Variants in ESRRG observed in about 807,000 individuals in gnomAD.
ESRRG encodes the protein estrogen-related receptor gamma.
In ESRRG, 13 loss-of-function variants were observed where a neutral mutation model predicts 44.0. That is an observed-to-expected ratio of 0.30 (90% CI 0.19 to 0.47). ESRRG has a LOEUF of 0.47. Ranked by LOEUF, ESRRG falls within the 20% of genes least tolerant of loss-of-function variation. The probability of loss-of-function intolerance (pLI) is 1.00; values close to 1 mark genes in which losing one functional copy is unlikely to be tolerated. For missense variants in ESRRG, 395 were observed against 580.6 expected, an observed-to-expected ratio of 0.68 and a Z score of 3.29; for synonymous variants, 215 against 214.6, an observed-to-expected ratio of 1.00 and a Z score of -0.02.
In ESRRG at chr1:217,126,200, CCTACCTACCTAG is replaced by C. The variant is rs578190749; in HGVS notation, c.-230+11455_-230+11466del. Among the ~76,000 whole-genome samples the C allele has an allele frequency of 3.6e-3, 544 of 152,162 alleles. 1 individual carries two copies. The highest frequency in any genetic ancestry group is 0.012 in the African/African-American group (491 of 41,498). On this transcript the variant is annotated intron_variant, in intron 1 of 8. Coordinates refer to the ESRRG transcript ENST00000366940. ...GTGGGATTCAAAATATGTTTCTTTA[CCTACCTACCTAG>C]CTACCTACCTAGCTACCTACCCACC...
chr1:216,861,781 G>A (rs1027924264), intron 2 of ESRRG, among the ~76,000 whole-genome samples: 2 of 151,918 alleles, frequency 1.3e-5, no homozygotes, highest in Non-Finnish European at 2.9e-5. Flanking sequence ...AGAATATATT[G>A]CAAATCATAA....
chr1:216,971,016 G>A (rs939570959), intron 1 of ESRRG, among the ~76,000 whole-genome samples: 1 of 152,170 alleles, frequency 6.6e-6, no homozygotes, highest in Admixed American at 6.5e-5. Context: ...CCCAGGGTGG[G>A]GGCAGAACCA....
chr1:216,872,880 C>A (rs1333577063), intron 2 of ESRRG, among the ~76,000 whole-genome samples: 3 of 152,084 alleles, frequency 2.0e-5, no homozygotes, highest in Non-Finnish European at 2.9e-5. Context: ...TAGATAGTAT[C>A]TGGGACATTT....
chr1:216,939,266 C>T (rs1043671852), intron 2 of ESRRG, among the ~76,000 whole-genome samples: 3 of 138,346 alleles, frequency 2.2e-5, no homozygotes, highest in African/African-American at 7.9e-5. Context: ...AAGGGCAAAA[C>T]CTTTCCAAAG....
At chr1:217,120,464 C>CA (rs35939406) in intron 1 of ESRRG, among the ~76,000 whole-genome samples, 4,443 of 134,130 alleles carry the variant, frequency 0.033, 174 homozygotes, top group African/African-American at 0.1. Context: ...TGAACTCTTC[C>CA]AAAAAAAAAA....
chr1:216,647,725 C>T (rs1056424249), intron 3 of ESRRG, among the ~76,000 whole-genome samples: 5 of 152,096 alleles, frequency 3.3e-5, no homozygotes, highest in East Asian at 1.9e-4. Flanking sequence ...ATAAAGCTAA[C>T]GATTATTATT....
At chr1:216,868,807 C>T (rs540250897) in intron 2 of ESRRG, among the ~76,000 whole-genome samples, 1 of 152,240 alleles carries the variant, frequency 6.6e-6, no homozygotes, top group South Asian at 2.1e-4. Context: ...ATGCATTTTC[C>T]TCATAACTAA....
chr1:216,517,376 T>G (rs1252242294), intron 6 of ESRRG, among the ~76,000 whole-genome samples: 4 of 152,196 alleles, frequency 2.6e-5, no homozygotes, highest in Non-Finnish European at 5.9e-5. Flanking sequence ...ATGCTGCTAC[T>G]AATTAATTCA....
rs564233038 is a variant in ESRRG at position 216,764,939 on chromosome 1, G to A, written c.-13-87448C>T. On this transcript the variant is annotated intron_variant, in intron 2 of 7. Coordinates refer to the ESRRG transcript ENST00000359162. ...TGCAGAACTTGGGAGAGGGAGAGTT[G>A]TGTGGAACAGCCGCCCTTCAGGGAA... Among the ~76,000 whole-genome samples the A allele has an allele frequency of 1.1e-4, 17 of 152,182 alleles. No individual in the cohort carries two copies. In the South Asian group the frequency reaches 3.3e-3, roughly 30 times the overall value.
At chr1:216,897,800 T>C (rs569044299) in intron 2 of ESRRG, among the ~76,000 whole-genome samples, 46 of 146,578 alleles carry the variant, frequency 3.1e-4, no homozygotes, top group African/African-American at 1.2e-3. Flanking sequence ...ACCCAGTCCT[T>C]TAAAAAAAAA....
intron 1 of ESRRG, among the ~76,000 whole-genome samples, chr1:217,067,874 C>A (rs902363521): frequency 6.6e-6 from 1 of 152,160 alleles, no homozygotes; most frequent in Non-Finnish European, 1.5e-5. Flanking sequence ...CACTGACACC[C>A]ACATTTTGGC....
At chr1:216,941,951 T>C (rs895436363) in intron 1 of ESRRG, among the ~76,000 whole-genome samples, 3 of 152,164 alleles carry the variant, frequency 2.0e-5, no homozygotes, top group African/African-American at 7.2e-5. Flanking sequence ...GGTGCATGTG[T>C]AGGTTTGCTA....
intron 2 of ESRRG, among the ~76,000 whole-genome samples, chr1:216,797,880 C>T (rs1486798992): frequency 1.3e-5 from 2 of 152,208 alleles, no homozygotes; most frequent in African/African-American, 2.4e-5. Flanking sequence ...AAGTATAGCT[C>T]ACACTTAGGG....
At chr1:216,974,344 AC>A (rs1266335714) in intron 1 of ESRRG, among the ~76,000 whole-genome samples, 2 of 152,160 alleles carry the variant, frequency 1.3e-5, no homozygotes, top group African/African-American at 4.8e-5. Flanking sequence ...ATCCCAAAAT[AC>A]ATGCAACTAT....
intron 2 of ESRRG, among the ~76,000 whole-genome samples, chr1:216,910,339 C>G (rs1174157294): frequency 4.6e-5 from 7 of 151,962 alleles, no homozygotes; most frequent in African/African-American, 1.5e-4. Context: ...AAACTAGAAA[C>G]AGTATTTTTA....
At chr1:216,521,900 A>G (rs879652993) in intron 5 of ESRRG, among the ~76,000 whole-genome samples, 2 of 152,142 alleles carry the variant, frequency 1.3e-5, no homozygotes, top group Admixed American at 1.3e-4. Flanking sequence ...AATACGGAGA[A>G]GAAAAGAGGC....
At position 217,030,354 on chromosome 1, in the gene ESRRG, A is replaced by G. The variant is rs538767186; in HGVS notation, c.-106+59153T>C. ...CGCATGGGATAAACAGACCACCATT[A>G]CCCGAAACTCAACCATTTTCCTATG... On this transcript the variant is annotated intron_variant, in intron 1 of 7. Coordinates refer to the ESRRG transcript ENST00000359162. 5.3e-5 allele frequency among the ~76,000 whole-genome samples: 8 copies of G among 152,168 alleles called. 1 individual carries two copies. Among genetic ancestry groups the G allele is most frequent in the Admixed American group, 5.2e-4 (8 of 15,274 alleles).
At chr1:216,535,866 A>C (rs574485009) in intron 5 of ESRRG, among the ~76,000 whole-genome samples, 14 of 152,130 alleles carry the variant, frequency 9.2e-5, no homozygotes, top group African/African-American at 3.4e-4. Context: ...TCACCACGAA[A>C]ATTCCTGACA....
At chr1:216,929,346 A>G (rs1200373817) in intron 2 of ESRRG, among the ~76,000 whole-genome samples, 3 of 152,234 alleles carry the variant, frequency 2.0e-5, no homozygotes, top group African/African-American at 7.2e-5. Context: ...CAATACTAAA[A>G]GATGTGACTC....
Sources: gnomAD v4.1 joint callset for allele counts (sites outside exome capture counted in the v4.1 genomes callset) on GRCh38, gnomAD v4.1.1 for gene constraint, MANE v1.5 for transcripts, NCBI Gene and HGNC (gene_info 2026-07-23, HGNC 2026-07-21) for gene names.